ERVFRD-1: variants seen among roughly 807,000 people sequenced by gnomAD.
ERVFRD-1 encodes the protein endogenous retrovirus group FRD member 1, envelope.
ERVFRD-1 carries 33 observed loss-of-function variants against 43.8 expected under a neutral mutation model. The observed-to-expected ratio is 0.75, with a 90% CI of 0.57 to 1.01. The LOEUF (loss-of-function observed/expected upper bound fraction) is 1.01, where lower values mean the gene tolerates loss of function less well. ERVFRD-1 is among the 50% of genes least tolerant of loss of function. ERVFRD-1 has a pLI of 0.00. For missense variants in ERVFRD-1, 568 were observed against 658.4 expected (o/e 0.86, Z 1.50); for synonymous variants, 239 against 244.4 (o/e 0.98, Z 0.21).
rs1561752480 is a variant in ERVFRD-1, at chr6:11,104,224, T to C, written c.1087A>G (p.Ile363Val). 1 of 1,551,704 alleles carries C rather than the reference T, an allele frequency of 6.4e-7. No individual in the cohort carries two copies. Among genetic ancestry groups the C allele is most frequent in the Non-Finnish European group, 8.7e-7 (1 of 1,146,992 alleles). ...HFIPLLAGLG[I>V]LAGTGTGIAG... ...ATTCCGGTTCCCGTACCAGCTAGAA[T>C]GCCGAGTCCCGCGAGAAGGGGAATG... Residue 363 changes from isoleucine (I) to valine (V), a missense_variant, in exon 2 of 2, where the codon ATT becomes GTT. Physicochemically the swap from Ile to Val is conservative, Grantham distance 29. Transcript: ENST00000472091.
chr6:11,104,554 AGG>A lies in ERVFRD-1; in HGVS notation c.755_756del (p.Pro252LeufsTer41). On this transcript the variant is annotated frameshift_variant, in exon 2 of 2. Transcript: ENST00000472091. LOFTEE classifies it high-confidence loss of function. ...GTCATGCCTGCTAAGACTTGGACGC[AGG>A]GTGTTTGGCTCTGGTTAGCTCCCTT... ...KTKGANQSQT[P>X]CVQVLAGMTI... 6.3e-7 allele frequency: 1 copy of A among 1,599,604 alleles called. No individual in the cohort carries two copies. The highest frequency in any genetic ancestry group is 8.5e-7 in the Non-Finnish European group (1 of 1,172,302).
chr6:11,110,449 A>G (rs553764833), intron 1 of ERVFRD-1, among the ~76,000 whole-genome samples: 32 of 152,232 alleles, frequency 2.1e-4, no homozygotes, highest in Admixed American at 5.9e-4. Flanking sequence ...CTCATTTCCC[A>G]TGTTCTTTAA....
chr6:11,108,335 T>G (rs929313233), intron 1 of ERVFRD-1, among the ~76,000 whole-genome samples: 4 of 152,236 alleles, frequency 2.6e-5, no homozygotes, highest in African/African-American at 9.6e-5. Context: ...CCCTTGGCTC[T>G]GTCCCTTCAA....
In ERVFRD-1 at chr6:11,104,873, A is replaced by G. The variant is rs781681644; in HGVS notation, c.438T>C (p.Asn146=). The stretch of plus-strand genomic sequence containing the variant: ...GGTTAGAATCTACAGTGAAAGTAAC[A>G]TTACAGACTGTACTTGGAAGAGTGC... The part of the protein sequence containing the change: ...NVGTLPSTVC[N]VTFTVDSNQQ... Residue 146 remains asparagine (N), a synonymous_variant, in exon 2 of 2, where the codon AAT becomes AAC. Coordinates refer to ENST00000472091, the MANE Select transcript of ERVFRD-1 (RefSeq NM_207582.3). 2 of 1,614,232 alleles carry G rather than the reference A, an allele frequency of 1.2e-6. No individual in the cohort carries two copies. The highest frequency in any genetic ancestry group is 8.5e-7 in the Non-Finnish European group (1 of 1,180,044).
chr6:11,107,003 T>A (rs1260369844), intron 1 of ERVFRD-1, among the ~76,000 whole-genome samples: 1 of 152,210 alleles, frequency 6.6e-6, no homozygotes, highest in Non-Finnish European at 1.5e-5. Context: ...TGAGTTTGGC[T>A]AATTGCACAG....
rs753623180 is a variant in ERVFRD-1 at position 11,103,830 on chromosome 6, A to G, written c.1481T>C (p.Leu494Pro). Residue 494 changes from leucine (L) to proline (P), a missense_variant, in exon 2 of 2, where the codon CTA becomes CCA. Physicochemically the swap from Leu to Pro is moderately conservative, Grantham distance 98. Transcript: ENST00000472091. Reference protein sequence around the residue: ...LPLTGPLVSLLLLLLFGPCLL... With the variant: ...LPLTGPLVSLPLLLLFGPCLL... ...ACATGGACCAAAAAGGAGCAAAAGT[A>G]GGAGACTAACAAGTGGGCCTGTAAG... is the stretch of plus-strand genomic sequence containing the variant. 1 of 1,551,700 alleles carries G rather than the reference A, an allele frequency of 6.4e-7. No individual in the cohort carries two copies. The highest frequency in any genetic ancestry group is 1.2e-5 in the South Asian group (1 of 84,064).
Position 11,105,403 on chromosome 6 carries a change from C to T in ERVFRD-1, c.-93G>A. On this transcript the variant is annotated 5_prime_UTR_variant, in exon 2 of 2. Transcript: ENST00000472091. ...GTTAAAATAGTGATAACAATCAGAG[C>T]AATTGCCAGTAAAATTTCTAGTATT... is the stretch of plus-strand genomic sequence containing the variant. The T allele has an allele frequency of 1.1e-6, 1 of 916,034 alleles. No homozygotes were observed. The highest frequency in any genetic ancestry group is 1.6e-6 in the Non-Finnish European group (1 of 607,412). 56.7% of individuals were successfully genotyped at this position (916,034 alleles called of 1,614,324 possible).
chr6:11,108,397 A>G (rs1437939968), intron 1 of ERVFRD-1, among the ~76,000 whole-genome samples: 1 of 152,198 alleles, frequency 6.6e-6, no homozygotes, highest in Non-Finnish European at 1.5e-5. Flanking sequence ...CCTTCAGCTC[A>G]AGGAGCTGAA....
rs1189602788 is a variant in ERVFRD-1 at position 11,104,204 on chromosome 6, G to C, written c.1107C>G (p.Thr369=). The C allele has an allele frequency of 5.2e-6, 8 of 1,551,566 alleles. No individual in the cohort carries two copies. In the Admixed American group the frequency reaches 1.4e-4, roughly 27 times the overall value. ...AAGCTTTTGTGATTCCAGCAATTCCGGTTCCCGTACCAGCTAGAATGCCGA... is the reference window on the plus strand; with the variant it reads ...AAGCTTTTGTGATTCCAGCAATTCCCGTTCCCGTACCAGCTAGAATGCCGA... The part of the protein sequence containing the change: ...AGLGILAGTG[T]GIAGITKASL... The change falls in exon 2 of 2, where the codon ACC becomes ACG. Residue 369 remains threonine (T), a synonymous_variant. Coordinates refer to ENST00000472091, the MANE Select transcript of ERVFRD-1 (RefSeq NM_207582.3).
intron 1 of ERVFRD-1, among the ~76,000 whole-genome samples, chr6:11,107,687 G>A (rs1445240865): frequency 6.6e-6 from 1 of 152,240 alleles, no homozygotes; most frequent in Non-Finnish European, 1.5e-5. Flanking sequence ...AATTACATAT[G>A]AGTTGGGGAT....
In ERVFRD-1 at chr6:11,103,949, TTGTCTGA is replaced by T; in HGVS notation, c.1355_1361del (p.Ile452AsnfsTer3). ...GTAAACTGGAGGCTTGATTTAGGAGTTGTCTGATGTTGTCTTGTACTTTTCCTGATTG... is the reference window on the plus strand; with the variant it reads ...GTAAACTGGAGGCTTGATTTAGGAGTTGTTGTCTTGTACTTTTCCTGATTG... On this transcript the variant is annotated frameshift_variant, in exon 2 of 2. Coordinates refer to ENST00000472091, the MANE Select transcript of ERVFRD-1 (RefSeq NM_207582.3). LOFTEE classifies it high-confidence loss of function. The T allele has an allele frequency of 6.4e-7, 1 of 1,551,416 alleles. No individual in the cohort carries two copies. The highest frequency in any genetic ancestry group is 1.7e-4 in the Middle Eastern group (1 of 5,992).
intron 1 of ERVFRD-1, among the ~76,000 whole-genome samples, chr6:11,108,613 G>A (rs1274478317): frequency 6.6e-6 from 1 of 152,190 alleles, no homozygotes; most frequent in Non-Finnish European, 1.5e-5. Flanking sequence ...GAGGTGGCTG[G>A]CAGGTTTGCA....
intron 1 of ERVFRD-1, among the ~76,000 whole-genome samples, chr6:11,111,330 G>A (rs1454072736): frequency 1.3e-5 from 2 of 152,212 alleles, no homozygotes; most frequent in Admixed American, 6.5e-5. Flanking sequence ...AGGAAAATAG[G>A]TGGTGGTGGG....
chr6:11,110,237 T>C (rs148470633), intron 1 of ERVFRD-1, among the ~76,000 whole-genome samples: 5 of 152,298 alleles, frequency 3.3e-5, no homozygotes, highest in Non-Finnish European at 7.4e-5. Context: ...TCCCATCCCA[T>C]TTCTGGACCA....
Position 11,104,260 on chromosome 6 carries a change from C to T in ERVFRD-1, c.1051G>A (p.Ala351Thr). The change falls in exon 2 of 2, where the codon GCA (alanine) becomes ACA (threonine). Residue 351 changes from alanine (A) to threonine (T), a missense_variant. Coordinates refer to ENST00000472091, the MANE Select transcript of ERVFRD-1 (RefSeq NM_207582.3). ...GCGAGAAGGGGAATGAAATGGATTG[C>T]CCTCCTCACCCTGGGCAACGGGGAA... ...GNSPLPRVRR[A>T]IHFIPLLAGL... The T allele has an allele frequency of 6.4e-7, 1 of 1,551,670 alleles. No individual in the cohort carries two copies. The highest frequency in any genetic ancestry group is 8.7e-7 in the Non-Finnish European group (1 of 1,146,986).
In ERVFRD-1 at chr6:11,105,030, G is replaced by T; in HGVS notation, c.281C>A (p.Ser94Ter). Residue 94 changes from serine (S) to a stop codon, truncating the protein, a stop_gained, in exon 2 of 2, where the codon TCA becomes TAA. Coordinates refer to ENST00000472091, the MANE Select transcript of ERVFRD-1 (RefSeq NM_207582.3). LOFTEE classifies it high-confidence loss of function. ...GLMRPANSLLSTVKQDFPDIR... is the reference protein window; with the variant it reads ...GLMRPANSLL ...ATCAGGGAAATCTTGCTTTACTGTT[G>T]AAAGAAGACTATTTGCAGGCCTCAT... is the stretch of plus-strand genomic sequence containing the variant. The T allele has an allele frequency of 6.2e-7, 1 of 1,614,182 alleles. No individual in the cohort carries two copies. The highest frequency in any genetic ancestry group is 8.5e-7 in the Non-Finnish European group (1 of 1,180,034).
At position 11,102,559 on chromosome 6, in the gene ERVFRD-1, GGTCTCTACTAC is replaced by G. The variant is rs1200109057; in HGVS notation, c.*1124_*1134del. 6.6e-6 allele frequency: 1 copy of G among 152,166 alleles called. No homozygotes were observed. Among genetic ancestry groups the G allele is most frequent in the East Asian group, 1.9e-4 (1 of 5,200 alleles). The allele number at this position is 152,166 out of a possible 1,614,324, so 9.4% of individuals were successfully genotyped here. A position where few individuals can be genotyped will look rare whatever the true frequency, so the allele number is the denominator to read the frequency against. ...GGCAGGGCCAAACTGCAAGCAACTG[GGTCTCTACTAC>G]AGAGGTACAAGGGGGAAAATTTTAT... On this transcript the variant is annotated 3_prime_UTR_variant, in exon 2 of 2. Coordinates refer to ENST00000472091, the MANE Select transcript of ERVFRD-1 (RefSeq NM_207582.3).
At chr6:11,109,393 G>C (rs1758136737) in intron 1 of ERVFRD-1, among the ~76,000 whole-genome samples, 1 of 152,178 alleles carries the variant, frequency 6.6e-6, no homozygotes, top group Non-Finnish European at 1.5e-5. Flanking sequence ...GTGGTGTCCA[G>C]AGGATGGCCC....
At chr6:11,107,130 T>C (rs1413191452) in intron 1 of ERVFRD-1, among the ~76,000 whole-genome samples, 3 of 152,214 alleles carry the variant, frequency 2.0e-5, no homozygotes, top group Non-Finnish European at 4.4e-5. Context: ...CCGTATGTCA[T>C]GTGGATTATC....
Sources: gnomAD v4.1 joint callset for allele counts (sites outside exome capture counted in the v4.1 genomes callset) on GRCh38, gnomAD v4.1.1 for gene constraint, MANE v1.5 for transcripts, NCBI Gene and HGNC (gene_info 2026-07-23, HGNC 2026-07-21) for gene names.